The following GCH1 variants were observed in gnomAD, a reference collection of about 807,000 sequenced individuals.
GCH1 encodes the protein GTP cyclohydrolase 1.
Under a neutral mutation model 25.9 loss-of-function variants are expected in GCH1, and 5 were observed. That is an observed-to-expected ratio of 0.19 (90% confidence interval 0.10 to 0.41). The LOEUF is 0.41. Among genes scored for constraint, GCH1 ranks in the 10% least tolerant of loss-of-function variants. GCH1 has a pLI of 1.00. For missense variants in GCH1, 261 were observed against 336.5 expected (o/e 0.78, Z 1.75); for synonymous variants, 159 against 129.6 (o/e 1.23, Z -1.54).
chr14:54,881,672 G>A (rs895078234), intron 1 of GCH1, among the ~76,000 whole-genome samples: 1 of 152,154 alleles, frequency 6.6e-6, no homozygotes, highest in African/African-American at 2.4e-5. Context: ...CAGAGCTGCC[G>A]CACAGCTTTG....
chr14:54,847,002 C>T (rs1256977317), intron 4 of GCH1, 97 bp downstream of exon 4: 9 of 533,258 alleles, frequency 1.7e-5, no homozygotes, highest in African/African-American at 1.6e-4. Flanking sequence ...TGCACTCCAG[C>T]CTGGGTGACA....
intron 3 of GCH1, among the ~76,000 whole-genome samples, chr14:54,856,984 A>G (rs1470007533): frequency 2.0e-5 from 3 of 152,218 alleles, no homozygotes; most frequent in Non-Finnish European, 4.4e-5. Context: ...CTTCATATAT[A>G]AGATTAAAAT....
intron 1 of GCH1, among the ~76,000 whole-genome samples, chr14:54,879,169 C>T (rs528220598): frequency 2.0e-5 from 3 of 152,186 alleles, no homozygotes; most frequent in Non-Finnish European, 4.4e-5. Flanking sequence ...GCCTGTAATC[C>T]CAGCACTTTG....
chr14:54,860,681 C>T (rs2039883277), intron 2 of GCH1, among the ~76,000 whole-genome samples: 1 of 152,018 alleles, frequency 6.6e-6, no homozygotes, highest in African/African-American at 2.4e-5. Context: ...GCCGGGACTA[C>T]AGGCGCCTGC....
intron 1 of GCH1, among the ~76,000 whole-genome samples, chr14:54,866,402 T>A (rs2039990280): frequency 6.6e-6 from 1 of 151,752 alleles, no homozygotes. Flanking sequence ...TATTGTCAAA[T>A]GAGAAAAGAA....
chr14:54,885,046 C>G (rs2040331634), intron 1 of GCH1: 2 of 307,084 alleles, frequency 6.5e-6, no homozygotes, highest in Admixed American at 7.3e-5. Context: ...TCCGGTGTGG[C>G]CCATTGCAGA....
Position 54,845,798 on chromosome 14 carries a change from G to T in GCH1, c.596C>A (p.Pro199His). The change falls in exon 5 of 6, where the codon CCT becomes CAT. Residue 199 changes from proline (P) to histidine (H), a missense_variant. Around this residue, in one of 3 missense-constraint regions of GCH1, gnomAD observed 130 missense variants for 184.1 expected, o/e 0.71. Transcript: ENST00000491895. ...TTCAACCACTACCCCGACTCCAGCAGGCCGCAAGGCTTCCGTGATTGCTAC... is the reference window on the plus strand; with the variant it reads ...TTCAACCACTACCCCGACTCCAGCATGCCGCAAGGCTTCCGTGATTGCTAC... Reference protein sequence around the residue: ...IAVAITEALRPAGVGVVVEAT... With the variant: ...IAVAITEALRHAGVGVVVEAT... 6.2e-7 allele frequency: 1 copy of T among 1,609,774 alleles called. No homozygotes were observed. Among genetic ancestry groups the T allele is most frequent in the Non-Finnish European group, 8.5e-7 (1 of 1,175,978 alleles).
In GCH1 at chr14:54,844,040, A is replaced by G; in HGVS notation, c.730T>C (p.Phe244Leu). The G allele has an allele frequency of 6.2e-7, 1 of 1,613,754 alleles. No homozygotes were observed. The highest frequency in any genetic ancestry group is 8.5e-7 in the Non-Finnish European group (1 of 1,179,878). Residue 244 changes from phenylalanine (F) to leucine (L), a missense_variant, in exon 6 of 6, where the codon TTC (phenylalanine) becomes CTC (leucine). By Grantham distance (22) the Phe-to-Leu change is conservative. Transcript: ENST00000491895. ...FREDPKTREE[F>L]LTLIRS is the part of the protein sequence containing the mutation. ...GCTCAGCTCCTAATGAGAGTCAGGAACTCTTCCCGAGTCTTTGGATCCTCC... is the reference window on the plus strand; with the variant it reads ...GCTCAGCTCCTAATGAGAGTCAGGAGCTCTTCCCGAGTCTTTGGATCCTCC...
intron 1 of GCH1, among the ~76,000 whole-genome samples, chr14:54,867,589 C>CAAAAAAAAAAAAAAAAAA (rs1029899399): frequency 6.4e-5 from 3 of 46,646 alleles, no homozygotes; most frequent in Non-Finnish European, 1.2e-4. Context: ...GACTCCGTCT[C>CAAAAAAAAAAAAAAAAAA]AAAAAAAAAA....
At chr14:54,897,003 A>G (rs1419661016) in intron 1 of GCH1, among the ~76,000 whole-genome samples, 1 of 123,336 alleles carries the variant, frequency 8.1e-6, no homozygotes, top group East Asian at 2.2e-4. Context: ...ATTCTACTCC[A>G]CTTTTTGTTT....
intron 1 of GCH1, chr14:54,885,107 C>A (rs964902673): frequency 1.3e-5 from 4 of 300,114 alleles, no homozygotes; most frequent in South Asian, 8.0e-5. Context: ...TCCTGGATGT[C>A]AGTACAAACT....
At chr14:54,861,025 T>C (rs2039889062) in intron 2 of GCH1, among the ~76,000 whole-genome samples, 1 of 152,224 alleles carries the variant, frequency 6.6e-6, no homozygotes, top group East Asian at 1.9e-4. Context: ...CGAAAAACAT[T>C]AGTTCTCTGA....
At chr14:54,894,824 C>G (rs1320453279) in intron 1 of GCH1, among the ~76,000 whole-genome samples, 1 of 152,110 alleles carries the variant, frequency 6.6e-6, no homozygotes, top group Non-Finnish European at 1.5e-5. Flanking sequence ...TATAAGTGTT[C>G]ATTAACAAAC....
intron 1 of GCH1, among the ~76,000 whole-genome samples, chr14:54,900,851 A>T (rs1020563511): frequency 9.5e-4 from 82 of 86,192 alleles, no homozygotes; most frequent in South Asian, 4.2e-3. Flanking sequence ...TATCTCACAC[A>T]CACACACACA....
chr14:54,862,216 A>G (rs1012853605), intron 2 of GCH1, among the ~76,000 whole-genome samples: 28 of 151,884 alleles, frequency 1.8e-4, no homozygotes, highest in African/African-American at 6.8e-4. Flanking sequence ...AAAAAAATTT[A>G]TTTTGTGGTA....
chr14:54,843,828 G>A lies in GCH1; in HGVS notation c.*189C>T. The stretch of plus-strand genomic sequence containing the variant: ...TATTGCCACAAAAAGGTGGCAAGAA[G>A]AAAGTAGAGGGCTCAACCCTTTATT... On this transcript the variant is annotated 3_prime_UTR_variant, in exon 6 of 6. Transcript: ENST00000491895. The A allele has an allele frequency of 6.2e-7, 1 of 1,613,024 alleles. No homozygotes were observed. The highest frequency in any genetic ancestry group is 1.3e-5 in the African/African-American group (1 of 75,032).
At chr14:54,866,671 G>A (rs2039993349) in intron 1 of GCH1, among the ~76,000 whole-genome samples, 1 of 152,130 alleles carries the variant, frequency 6.6e-6, no homozygotes, top group South Asian at 2.1e-4. Context: ...ATGGACAAAT[G>A]TCCACCCACA....
chr14:54,868,359 A>G (rs572108240), intron 1 of GCH1, among the ~76,000 whole-genome samples: 1 of 152,178 alleles, frequency 6.6e-6, no homozygotes, highest in Non-Finnish European at 1.5e-5. Context: ...CAATGCTACA[A>G]TGAGCTATGA....
chr14:54,850,148 AT>A (rs1012434614), intron 3 of GCH1, among the ~76,000 whole-genome samples: 1 of 150,498 alleles, frequency 6.6e-6, no homozygotes, highest in Admixed American at 6.6e-5. Context: ...TAATTTTTGT[AT>A]TTTTAGTAGA....
Sources: allele counts gnomAD v4.1 joint callset (sites outside exome capture counted in the v4.1 genomes callset), GRCh38; gene constraint gnomAD v4.1.1; regional missense constraint gnomAD v4.1.1; transcripts MANE v1.5; gene names NCBI Gene and HGNC (gene_info 2026-07-23, HGNC 2026-07-21).